Variants in DOCK3 observed in about 807,000 individuals in gnomAD.
DOCK3 encodes the protein dedicator of cytokinesis 3.
Under a neutral mutation model 265.6 loss-of-function variants are expected in DOCK3, and 60 were observed. That is an observed-to-expected ratio of 0.23 (90% CI 0.18 to 0.28). DOCK3 has a LOEUF of 0.28. DOCK3 is among the 10% of genes least tolerant of loss of function. The probability of loss-of-function intolerance (pLI) is 1.00; values close to 1 mark genes in which losing one functional copy is unlikely to be tolerated. For synonymous variants in DOCK3, 881 were observed against 938.0 expected (o/e 0.94, Z 1.11); for missense variants, 1,981 against 2,594.3 (o/e 0.76, Z 5.14).
chr3:50,738,479 T>A (rs1264035641), intron 1 of DOCK3, among the ~76,000 whole-genome samples: 1 of 152,214 alleles, frequency 6.6e-6, no homozygotes, highest in Non-Finnish European at 1.5e-5. Context: ...CTCGCAGTCA[T>A]TTTAGAAATC....
At chr3:51,315,813 G>A (rs1266590046) in intron 32 of DOCK3, among the ~76,000 whole-genome samples, 2 of 152,030 alleles carry the variant, frequency 1.3e-5, no homozygotes, top group Non-Finnish European at 2.9e-5. Flanking sequence ...TCTCTTGGCA[G>A]ATGATCTTCA....
chr3:51,032,830 T>A (rs949538305), intron 5 of DOCK3, among the ~76,000 whole-genome samples: 5 of 152,144 alleles, frequency 3.3e-5, no homozygotes, highest in Non-Finnish European at 2.9e-5. Context: ...GAGGATTGCT[T>A]GAGCCCAGGA....
chr3:51,189,091 C>A (rs1252654280), intron 12 of DOCK3, among the ~76,000 whole-genome samples: 1 of 152,116 alleles, frequency 6.6e-6, no homozygotes, highest in Non-Finnish European at 1.5e-5. Flanking sequence ...TTCTCTGCAT[C>A]CATGCAAACA....
chr3:51,248,931 G>A (rs1412277364), intron 22 of DOCK3, among the ~76,000 whole-genome samples: 2 of 148,446 alleles, frequency 1.3e-5, no homozygotes, highest in Non-Finnish European at 3.0e-5. Flanking sequence ...CGCCCCATCT[G>A]AGAAGTGAGG....
chr3:51,372,324 T>A (rs1287725258), intron 49 of DOCK3, among the ~76,000 whole-genome samples: 1 of 152,218 alleles, frequency 6.6e-6, no homozygotes, highest in Non-Finnish European at 1.5e-5. Flanking sequence ...CACCTTCTCC[T>A]ACCATGGGAT....
intron 5 of DOCK3, among the ~76,000 whole-genome samples, chr3:50,968,038 A>C (rs1474855909): frequency 6.7e-6 from 1 of 149,994 alleles, no homozygotes; most frequent in Non-Finnish European, 1.5e-5. Context: ...TTCTCACCAG[A>C]ATTTTTTTAT....
chr3:51,228,039 A>T lies in DOCK3; in HGVS notation c.1598A>T (p.Asp533Val), dbSNP rs1441802031. The part of the protein sequence containing the change: ...FGFAFSTLMR[D>V]DGTTLSDDIH... ...TTTGCATTCTCAACCCTGATGCGTGATGATGGCACCACCCTCTCAGATGAT... is the reference window on the plus strand; with the variant it reads ...TTTGCATTCTCAACCCTGATGCGTGTTGATGGCACCACCCTCTCAGATGAT... The change falls in exon 17 of 53, where the codon GAT becomes GTT. Residue 533 changes from aspartate to valine, a missense_variant. Physicochemically the swap from Asp to Val is radical, Grantham distance 152 (BLOSUM62 -3). Transcript: ENST00000266037. 1.9e-6 allele frequency: 3 copies of T among 1,614,058 alleles called. No individual in the cohort carries two copies. Among genetic ancestry groups the T allele is most frequent in the Admixed American group, 1.7e-5 (1 of 60,026 alleles).
At chr3:51,098,205 C>T (rs1032842417) in intron 9 of DOCK3, among the ~76,000 whole-genome samples, 1 of 152,152 alleles carries the variant, frequency 6.6e-6, no homozygotes, top group Non-Finnish European at 1.5e-5. Flanking sequence ...TACAGGTGCC[C>T]ACCACCATGC....
chr3:50,889,483 C>G (rs1372523836), intron 3 of DOCK3, among the ~76,000 whole-genome samples: 17 of 150,042 alleles, frequency 1.1e-4, no homozygotes, highest in Non-Finnish European at 7.4e-5. Flanking sequence ...TTTAAATACG[C>G]TACTTATTCT....
At chr3:50,767,665 G>A (rs2040985061) in intron 1 of DOCK3, among the ~76,000 whole-genome samples, 1 of 152,132 alleles carries the variant, frequency 6.6e-6, no homozygotes, top group Admixed American at 6.5e-5. Context: ...GAAAGTCATT[G>A]GTAGCTTGAT....
At chr3:50,754,813 C>G (rs547889464) in intron 1 of DOCK3, among the ~76,000 whole-genome samples, 1 of 152,194 alleles carries the variant, frequency 6.6e-6, no homozygotes, top group South Asian at 2.1e-4. Flanking sequence ...TCTGCCTCGG[C>G]CTCCCAAAGT....
rs564395397 is a variant in DOCK3 at position 50,994,093 on chromosome 3, G to A, written c.315+60016G>A. 5.9e-5 allele frequency among the ~76,000 whole-genome samples: 9 copies of A among 152,288 alleles called. No homozygotes were observed. The South Asian group carries it at 1.9e-3, about 32-fold the overall frequency. On this transcript the variant is annotated intron_variant, in intron 5 of 52. Transcript: ENST00000266037. Reference sequence around the variant, plus strand: ...TTCCGTAGCATTGATATTGGACTGAGTGGCAGGACTGAGAGACCTGTGAAG... The same window carrying A: ...TTCCGTAGCATTGATATTGGACTGAATGGCAGGACTGAGAGACCTGTGAAG...
chr3:51,097,717 C>T (rs1251822577), intron 9 of DOCK3, among the ~76,000 whole-genome samples: 1 of 152,154 alleles, frequency 6.6e-6, no homozygotes, highest in Non-Finnish European at 1.5e-5. Context: ...TAGTTTTGTG[C>T]TTGAAATCCA....
chr3:51,067,464 C>T lies in DOCK3; in HGVS notation c.464+2868C>T, dbSNP rs1376682131. Among the ~76,000 whole-genome samples, 14 of 48,772 alleles carry T rather than the reference C, an allele frequency of 2.9e-4. No individual in the cohort carries two copies. In the East Asian group the frequency reaches 6.5e-3, roughly 23 times the overall value. 32.0% of individuals were successfully genotyped at this position (48,772 alleles called of 152,430 possible). ...GTGTGTGTGTGTGTGTGTGCGCGCGCGTTGGAGGGGTATGTATATGCATAT... is the reference window on the plus strand; with the variant it reads ...GTGTGTGTGTGTGTGTGTGCGCGCGTGTTGGAGGGGTATGTATATGCATAT... On this transcript the variant is annotated intron_variant, in intron 6 of 52. Transcript: ENST00000266037.
chr3:50,954,239 A>G (rs981158550), intron 5 of DOCK3, among the ~76,000 whole-genome samples: 1 of 152,138 alleles, frequency 6.6e-6, no homozygotes, highest in African/African-American at 2.4e-5. Flanking sequence ...ACTTAGCATA[A>G]TGTCTTCAGG....
Position 50,675,095 on chromosome 3 carries a change from G to A in DOCK3, c.-169G>A. The A allele has an allele frequency of 3.5e-6, 1 of 283,996 alleles. No individual in the cohort carries two copies. The highest frequency in any genetic ancestry group is 5.3e-6 in the Non-Finnish European group (1 of 187,840). 17.6% of individuals were successfully genotyped at this position (283,996 alleles called of 1,614,324 possible). On this transcript the variant is annotated 5_prime_UTR_variant, in exon 1 of 53. Coordinates refer to ENST00000266037, the MANE Select transcript of DOCK3 (RefSeq NM_004947.5). This position sits in a 1 kb window ranked among gnomAD's most constrained non-coding sequence, Gnocchi z 6.1. ...CGGAGCCTCGCGGTCCAGACGTGGC[G>A]GGGGTGGCGGCGGCATCCCGGACGG...
At chr3:51,128,828 G>T (rs1169188192) in intron 9 of DOCK3, among the ~76,000 whole-genome samples, 2 of 152,162 alleles carry the variant, frequency 1.3e-5, no homozygotes, top group African/African-American at 4.8e-5. Context: ...AAGCCCAAGC[G>T]TAACCTCCAT....
At chr3:51,210,709 G>C (rs2089453998) in intron 13 of DOCK3, among the ~76,000 whole-genome samples, 1 of 152,156 alleles carries the variant, frequency 6.6e-6, no homozygotes. Context: ...CTTAATTAAA[G>C]ATACATCTTT....
intron 49 of DOCK3, among the ~76,000 whole-genome samples, 170 bp downstream of exon 49, chr3:51,362,844 C>T (rs1336145972): frequency 3.3e-5 from 5 of 152,232 alleles, no homozygotes; most frequent in African/African-American, 9.6e-5. Context: ...AGGCCTCTTC[C>T]CTGGCTGGCT....
Sources: gnomAD v4.1 joint callset for allele counts (sites outside exome capture counted in the v4.1 genomes callset) on GRCh38, gnomAD v4.1.1 for gene constraint, Gnocchi (gnomAD v3.1) non-coding constraint, MANE v1.5 for transcripts, NCBI Gene and HGNC (gene_info 2026-07-23, HGNC 2026-07-21) for gene names.